The following KCNH7 variants were observed in gnomAD, a reference collection of about 807,000 sequenced individuals.
The protein encoded by KCNH7 is voltage-gated inwardly rectifying potassium channel KCNH7.
A neutral mutation model predicts 120.8 loss-of-function variants in KCNH7; 49 were observed. The ratio of observed to expected loss-of-function variants is 0.41; its 90% CI spans 0.32 to 0.51. The LOEUF is 0.51. Among genes scored for constraint, KCNH7 ranks in the 20% least tolerant of loss-of-function variants. The pLI is 0.38. For missense variants in KCNH7, 1,097 were observed against 1,446.6 expected, an observed-to-expected ratio of 0.76 and a Z score of 3.92; for synonymous variants, 547 against 516.1, an observed-to-expected ratio of 1.06 and a Z score of -0.81.
At chr2:162,567,695 A>G (rs976646297) in intron 2 of KCNH7, among the ~76,000 whole-genome samples, 18 of 152,028 alleles carry the variant, frequency 1.2e-4, no homozygotes, top group African/African-American at 4.1e-4. Context: ...TGCCTGGCAC[A>G]CAGTAAGTGC....
intron 2 of KCNH7, 46 bp from the exon 3 acceptor site, chr2:162,537,126 C>A (rs1183890115): frequency 2.0e-6 from 3 of 1,465,104 alleles, no homozygotes; most frequent in Non-Finnish European, 2.8e-6. Context: ...TGCCTTCATT[C>A]TGAACTATCA....
At chr2:162,452,395 T>C (rs565344289) in intron 6 of KCNH7, among the ~76,000 whole-genome samples, 2 of 152,208 alleles carry the variant, frequency 1.3e-5, no homozygotes, top group Non-Finnish European at 1.5e-5. Context: ...CTGTAAGAAT[T>C]GAGTTGGTTT....
chr2:162,417,045 A>C (rs1345107372), intron 9 of KCNH7, among the ~76,000 whole-genome samples: 1 of 152,152 alleles, frequency 6.6e-6, no homozygotes, highest in Non-Finnish European at 1.5e-5. Context: ...GATGAACTAC[A>C]TCTGAATGTT....
chr2:162,529,268 A>C (rs1309379160), intron 3 of KCNH7, among the ~76,000 whole-genome samples: 1 of 151,996 alleles, frequency 6.6e-6, no homozygotes, highest in Non-Finnish European at 1.5e-5. Flanking sequence ...AGCAGCTCCC[A>C]GGGGAGAAAC....
rs185798252 is a variant in KCNH7, at chr2:162,691,553, A to G, written c.307+144984T>C. Among the ~76,000 whole-genome samples the G allele has an allele frequency of 5.0e-4, 76 of 152,290 alleles. 1 individual carries two copies. The East Asian group carries it at 6.2e-3, about 12-fold the overall frequency. On this transcript the variant is annotated intron_variant, in intron 2 of 15. Transcript: ENST00000332142. ...GGAAAAACAAGAGATACTTTTTGTA[A>G]TAACAATTTTATAGCTGTGGTCAGT...
intron 6 of KCNH7, among the ~76,000 whole-genome samples, chr2:162,475,264 A>G (rs564273803): frequency 1.2e-4 from 18 of 152,332 alleles, no homozygotes; most frequent in African/African-American, 4.1e-4. Context: ...CCAGGAGGAC[A>G]TTACCGTGTC....
chr2:162,413,035 A>G (rs901633921), intron 9 of KCNH7, among the ~76,000 whole-genome samples: 1 of 152,204 alleles, frequency 6.6e-6, no homozygotes, highest in African/African-American at 2.4e-5. Flanking sequence ...AAAGGTTCTT[A>G]AATAGCCAGG....
intron 6 of KCNH7, among the ~76,000 whole-genome samples, chr2:162,449,136 A>G (rs1688680488): frequency 6.6e-6 from 1 of 152,040 alleles, no homozygotes; most frequent in South Asian, 2.1e-4. Flanking sequence ...TTTACTAAAG[A>G]ATAAAATGCC....
At chr2:162,389,020 C>A (rs1052461177) in intron 12 of KCNH7, among the ~76,000 whole-genome samples, 12 of 152,026 alleles carry the variant, frequency 7.9e-5, no homozygotes, top group African/African-American at 2.9e-4. Flanking sequence ...TCTTGTTTGT[C>A]ATCATGCATG....
At chr2:162,484,009 A>G (rs147344018) in intron 6 of KCNH7, among the ~76,000 whole-genome samples, 2 of 152,310 alleles carry the variant, frequency 1.3e-5, no homozygotes, top group African/African-American at 4.8e-5. Context: ...GTCAGAGTCC[A>G]GAAATTAGGG....
chr2:162,519,185 G>GA (rs954169940), intron 3 of KCNH7, among the ~76,000 whole-genome samples: 9 of 151,556 alleles, frequency 5.9e-5, no homozygotes, highest in African/African-American at 2.2e-4. Flanking sequence ...CTATTAAAGT[G>GA]AAAAAACATA....
At position 162,455,900 on chromosome 2, in the gene KCNH7, T is replaced by C. The variant is rs138756213; in HGVS notation, c.1129-9457A>G. ...TTCAAAAAGCCGGCTCCTGAATTCATTGATTTTTTGAAGGGTTTTTCGTGT... is the reference window on the plus strand; with the variant it reads ...TTCAAAAAGCCGGCTCCTGAATTCACTGATTTTTTGAAGGGTTTTTCGTGT... On this transcript the variant is annotated intron_variant, in intron 6 of 15. Transcript: ENST00000332142. Among the ~76,000 whole-genome samples, 153 of 152,262 alleles carry C rather than the reference T, an allele frequency of 1.0e-3. 1 individual carries two copies. In the Middle Eastern group the frequency reaches 0.014, roughly 14 times the overall value.
At chr2:162,425,321 C>G (rs552248837) in intron 8 of KCNH7, among the ~76,000 whole-genome samples, 12 of 152,070 alleles carry the variant, frequency 7.9e-5, no homozygotes, top group African/African-American at 2.7e-4. Context: ...TCTTTTGGTT[C>G]TGCTTCTCTG....
At chr2:162,638,596 A>T (rs918315934) in intron 2 of KCNH7, among the ~76,000 whole-genome samples, 2 of 152,156 alleles carry the variant, frequency 1.3e-5, no homozygotes, top group Non-Finnish European at 2.9e-5. Context: ...TCAAAAAATC[A>T]AAGTCGAAAG....
At chr2:162,666,077 C>A (rs1327522237) in intron 2 of KCNH7, among the ~76,000 whole-genome samples, 1 of 152,090 alleles carries the variant, frequency 6.6e-6, no homozygotes, top group Admixed American at 6.6e-5. Flanking sequence ...CAAGGACATC[C>A]TTTCATGAAA....
chr2:162,535,248 A>G (rs1487136800), intron 3 of KCNH7, among the ~76,000 whole-genome samples: 5 of 151,770 alleles, frequency 3.3e-5, no homozygotes, highest in African/African-American at 1.2e-4. Flanking sequence ...ACATTTTGAC[A>G]AGAGAAAACT....
intron 2 of KCNH7, among the ~76,000 whole-genome samples, chr2:162,639,350 C>T (rs946316105): frequency 6.6e-6 from 1 of 151,994 alleles, no homozygotes; most frequent in African/African-American, 2.4e-5. Context: ...ATTACATTTA[C>T]ATTTATTGGA....
intron 2 of KCNH7, among the ~76,000 whole-genome samples, chr2:162,774,258 T>C (rs1683158661): frequency 6.7e-6 from 1 of 149,876 alleles, no homozygotes. Context: ...TCATTTAAAC[T>C]TGTATTATTT....
At chr2:162,665,461 T>A (rs1193681501) in intron 2 of KCNH7, among the ~76,000 whole-genome samples, 1 of 152,124 alleles carries the variant, frequency 6.6e-6, no homozygotes, top group East Asian at 1.9e-4. Context: ...ACATATTTTT[T>A]ATGTATTTTG....
Sources: gnomAD v4.1 joint callset for allele counts (sites outside exome capture counted in the v4.1 genomes callset) on GRCh38, gnomAD v4.1.1 for gene constraint, MANE v1.5 for transcripts, NCBI Gene and HGNC (gene_info 2026-07-23, HGNC 2026-07-21) for gene names.